SAMD12: variants seen among roughly 807,000 people sequenced by gnomAD.
SAMD12 encodes sterile alpha motif domain containing 12.
A neutral mutation model predicts 15.0 loss-of-function variants in SAMD12; 9 were observed. The ratio of observed to expected loss-of-function variants is 0.60; its 90% CI spans 0.36 to 1.05. The LOEUF (loss-of-function observed/expected upper bound fraction) is 1.05. SAMD12 is among the 50% of genes least tolerant of loss of function. The pLI is 0.01. For missense variants in SAMD12, 230 were observed against 234.2 expected, an observed-to-expected ratio of 0.98 and a Z score of 0.12; for synonymous variants, 86 against 90.1, an observed-to-expected ratio of 0.96 and a Z score of 0.25.
chr8:118,282,430 A>T (rs1480899174), intron 4 of SAMD12: 1 of 449,054 alleles, frequency 2.2e-6, no homozygotes, highest in African/African-American at 2.0e-5. Context: ...GTCCAAAGGA[A>T]GGGTAACTTC....
intron 3 of SAMD12, among the ~76,000 whole-genome samples, chr8:118,390,030 G>T (rs1468732668): frequency 1.3e-5 from 2 of 151,320 alleles, no homozygotes; most frequent in African/African-American, 2.4e-5. Flanking sequence ...TTTTTGAGAT[G>T]GAGTCTTGCT....
the SAMD12 span, among the ~76,000 whole-genome samples, chr8:118,177,344 C>T: frequency 6.6e-6 from 1 of 151,716 alleles, no homozygotes. Flanking sequence ...GGGCTCAAGC[C>T]ATCATCCTGT....
At chr8:118,495,175 C>T (rs542921039) in intron 2 of SAMD12, among the ~76,000 whole-genome samples, 4 of 152,120 alleles carry the variant, frequency 2.6e-5, no homozygotes, top group African/African-American at 9.7e-5. Flanking sequence ...TAGGCAGTAA[C>T]GTATGAAACT....
chr8:118,273,701 G>A (rs1403697980), intron 4 of SAMD12, among the ~76,000 whole-genome samples: 1 of 152,142 alleles, frequency 6.6e-6, no homozygotes, highest in Non-Finnish European at 1.5e-5. Context: ...AAGGCAGGGC[G>A]GAGGGGTTGA....
At chr8:118,291,629 A>G (rs1814370864) in intron 4 of SAMD12, among the ~76,000 whole-genome samples, 5 of 152,062 alleles carry the variant, frequency 3.3e-5, no homozygotes, top group Admixed American at 3.3e-4. Context: ...AATATTTACT[A>G]ACTTCCTGAA....
intron 2 of SAMD12, among the ~76,000 whole-genome samples, chr8:118,512,798 T>C (rs2131070197): frequency 6.6e-6 from 1 of 152,310 alleles, no homozygotes; most frequent in South Asian, 2.1e-4. Context: ...CCTCTAACCC[T>C]TTTCTCCATT....
At chr8:118,359,402 G>A (rs765623778) in intron 4 of SAMD12, among the ~76,000 whole-genome samples, 5 of 152,166 alleles carry the variant, frequency 3.3e-5, no homozygotes, top group Non-Finnish European at 7.4e-5. Context: ...GTCTGCGGTA[G>A]TTTGCTATGG....
At chr8:118,397,791 A>AAATTTAATT (rs10699221) in intron 3 of SAMD12, among the ~76,000 whole-genome samples, 16 of 151,342 alleles carry the variant, frequency 1.1e-4, no homozygotes, top group African/African-American at 3.2e-4. Flanking sequence ...TGGGACTTGC[A>AAATTTAATT]AATTAATTAA....
chr8:118,135,275 G>A, the SAMD12 span, among the ~76,000 whole-genome samples: 56 of 151,348 alleles, frequency 3.7e-4, no homozygotes, highest in South Asian at 0.01. Context: ...TCCGCCTCCC[G>A]GTTTCAAGCA....
intron 2 of SAMD12, among the ~76,000 whole-genome samples, chr8:118,447,475 T>C (rs547777495): frequency 1.3e-5 from 2 of 152,020 alleles, no homozygotes; most frequent in South Asian, 2.1e-4. Flanking sequence ...GCTAACTTTT[T>C]TGCATTATTA....
At chr8:118,584,842 C>A (rs1186751382) in intron 1 of SAMD12, among the ~76,000 whole-genome samples, 1 of 151,550 alleles carries the variant, frequency 6.6e-6, no homozygotes, top group African/African-American at 2.4e-5. Context: ...TGATACACCC[C>A]CTGTGGGAAA....
chr8:118,412,759 TCA>T (rs1331182072), intron 3 of SAMD12, among the ~76,000 whole-genome samples: 1 of 152,108 alleles, frequency 6.6e-6, no homozygotes, highest in Non-Finnish European at 1.5e-5. Context: ...AAATCTTAAC[TCA>T]CAGAATGTAG....
At chr8:118,427,969 C>T (rs1822283543) in intron 3 of SAMD12, among the ~76,000 whole-genome samples, 1 of 152,168 alleles carries the variant, frequency 6.6e-6, no homozygotes, top group Non-Finnish European at 1.5e-5. Flanking sequence ...TTAAGCCATT[C>T]TACTGGGTGT....
chr8:118,276,960 A>G (rs1046017007), intron 4 of SAMD12, among the ~76,000 whole-genome samples: 2 of 152,060 alleles, frequency 1.3e-5, no homozygotes, highest in Non-Finnish European at 2.9e-5. Flanking sequence ...GGTGTGCGCC[A>G]CTCACACACA....
At chr8:118,191,782 A>T (rs1419207527) in exon 5 of SAMD12, 1 of 47,244 alleles carries the variant, frequency 2.1e-5, no homozygotes, top group Non-Finnish European at 4.2e-5. Flanking sequence ...ATATATATAT[A>T]TATATATATA....
intron 1 of SAMD12, among the ~76,000 whole-genome samples, chr8:118,604,434 G>C (rs1029925703): frequency 6.6e-6 from 1 of 152,294 alleles, no homozygotes; most frequent in East Asian, 1.9e-4. Flanking sequence ...AAGAGCCGCA[G>C]TGTTTCTGAA....
chr8:118,548,252 AC>A (rs1222997579), intron 2 of SAMD12, among the ~76,000 whole-genome samples: 2 of 152,144 alleles, frequency 1.3e-5, no homozygotes, highest in African/African-American at 4.8e-5. Flanking sequence ...TTTAAAAGAT[AC>A]CCTTTTATAA....
intron 2 of SAMD12, among the ~76,000 whole-genome samples, chr8:118,492,493 TG>T (rs1312967999): frequency 2.0e-5 from 3 of 152,124 alleles, no homozygotes; most frequent in Non-Finnish European, 4.4e-5. Context: ...ATGGTAGGGA[TG>T]GGGGGATTCA....
intron 4 of SAMD12, among the ~76,000 whole-genome samples, chr8:118,313,031 C>T (rs10086371): frequency 0.017 from 2,519 of 152,244 alleles, 33 homozygotes; most frequent in South Asian, 0.039. Context: ...TTTGCATCCA[C>T]AAAGAGGAGA....
Sources: allele counts gnomAD v4.1 joint callset (sites outside exome capture counted in the v4.1 genomes callset), GRCh38; gene constraint gnomAD v4.1.1; transcripts MANE v1.5; gene names NCBI Gene and HGNC (gene_info 2026-07-23, HGNC 2026-07-21).